The following HINT1 variants were observed in gnomAD, a reference collection of about 807,000 sequenced individuals.
HINT1 encodes the protein histidine triad nucleotide binding protein 1, also known as adenosine 5'-monophosphoramidase HINT1.
HINT1 carries 12 observed loss-of-function variants against 11.2 expected under a neutral mutation model. The ratio of observed to expected loss-of-function variants is 1.07; its 90% CI spans 0.69 to 1.74. The LOEUF is 1.74. Ranked by LOEUF, HINT1 falls within the 40% of genes most tolerant of loss-of-function variation. HINT1 has a pLI of 0.00. For missense variants in HINT1, 150 were observed against 161.8 expected (o/e 0.93, Z 0.40); for synonymous variants, 42 against 52.6 (o/e 0.80, Z 0.87).
intron 2 of HINT1, among the ~76,000 whole-genome samples, chr5:131,161,439 A>T (rs759276215): frequency 1.4e-4 from 21 of 152,030 alleles, no homozygotes; most frequent in African/African-American, 4.8e-4. Flanking sequence ...CCCCATCTCT[A>T]CTAAAAATAC....
chr5:131,159,498 G>A lies in HINT1; in HGVS notation c.330C>T (p.His110=), dbSNP rs139624223. The A allele has an allele frequency of 3.2e-4, 509 of 1,613,400 alleles. 2 individuals are homozygous for A. In the African/African-American group the frequency reaches 6.1e-3, roughly 19 times the overall value. The stretch of plus-strand genomic sequence containing the variant: ...GACCTCCAAGAACATGGAGATGAAC[G>A]TGATAGACAGACTGTCCACCATCTG... ...EGSDGGQSVY[H]VHLHVLGGRQ... Residue 110 remains histidine (H), a synonymous_variant, in exon 3 of 3, where the codon CAC becomes CAT. Transcript: ENST00000304043.
Position 131,159,241 on chromosome 5 carries a change from CAA to C in HINT1, c.*204_*205del. 1 of 457,612 alleles carries C rather than the reference CAA, an allele frequency of 2.2e-6. No homozygotes were observed. The highest frequency in any genetic ancestry group is 3.9e-6 in the Non-Finnish European group (1 of 257,952). The allele number at this position is 457,612 out of a possible 1,614,324, so 28.3% of individuals were successfully genotyped here. A position where few individuals can be genotyped will look rare whatever the true frequency, so the allele number is the denominator to read the frequency against. ...ATAAACCCACCTTCACATATTCCAA[CAA>C]ATATGTTTTTAAAATAACAAATCAA... On this transcript the variant is annotated 3_prime_UTR_variant, in exon 3 of 3. Coordinates refer to ENST00000304043, the MANE Select transcript of HINT1 (RefSeq NM_005340.7).
At chr5:131,160,094 T>C (rs943136565) in intron 2 of HINT1, among the ~76,000 whole-genome samples, 5 of 152,030 alleles carry the variant, frequency 3.3e-5, no homozygotes, top group African/African-American at 1.2e-4. Flanking sequence ...GCTTGGGCAA[T>C]CTGCCCACCT....
chr5:131,164,981 G>C, intron 1 of HINT1, 114 bp downstream of exon 1: 4 of 1,470,604 alleles, frequency 2.7e-6, no homozygotes, highest in Non-Finnish European at 2.8e-6. Context: ...GGGCAGCCAG[G>C]TCCCCTCCCG....
Position 131,162,660 on chromosome 5 carries a change from T to C in HINT1, c.128A>G (p.Asp43Gly), listed in dbSNP as rs776720598. Residue 43 changes from aspartate to glycine, a missense_variant, in exon 2 of 3, where the codon GAC becomes GGC. Asp to Gly is a moderately conservative substitution (Grantham distance 94). Coordinates refer to ENST00000304043, the MANE Select transcript of HINT1 (RefSeq NM_005340.7). ...ATGTGTTGGTGCTTGAGGGGAAATG[T>C]CATGGAAAGCAAGGCACTAGGGAAA... Reference protein sequence around the residue: ...FEDDRCLAFHDISPQAPTHFL... With the variant: ...FEDDRCLAFHGISPQAPTHFL... The C allele has an allele frequency of 2.5e-6, 4 of 1,609,426 alleles. No homozygotes were observed. In the Admixed American group the frequency reaches 6.7e-5, roughly 27 times the overall value.
rs1237850486 is a variant in HINT1 at position 131,164,935 on chromosome 5, CGGGCCCTGTCCGCTGGCTGG to C, written c.111+140_111+159del. On this transcript the variant is annotated intron_variant, in intron 1 of 2. Transcript: ENST00000304043. Reference sequence around the variant, plus strand: ...CGCCGGCAGGCCGCCTCGGAGTGCCCGGGCCCTGTCCGCTGGCTGGGGGCCCGCTGGACCAGGGCAGCCAG... The same window carrying C: ...CGCCGGCAGGCCGCCTCGGAGTGCCCGGGCCCGCTGGACCAGGGCAGCCAG... The C allele has an allele frequency of 5.5e-5, 58 of 1,055,126 alleles. No individual in the cohort carries two copies. In the Middle Eastern group the frequency reaches 3.1e-3, roughly 57 times the overall value. 65.4% of individuals were successfully genotyped at this position (1,055,126 alleles called of 1,614,324 possible). A position where few individuals can be genotyped will look rare whatever the true frequency, so the allele number is the denominator to read the frequency against.
At chr5:131,160,822 T>C in intron 2 of HINT1, 3 of 469,602 alleles carry the variant, frequency 6.4e-6, no homozygotes, top group Non-Finnish European at 1.3e-5. Context: ...AGTAAAATAC[T>C]CTTACATGAG....
rs1358410590 is a variant in HINT1, at chr5:131,162,569, T to TA, written c.216+2dup. 6.2e-7 allele frequency: 1 copy of TA among 1,607,138 alleles called. No homozygotes were observed. The highest frequency in any genetic ancestry group is 1.7e-5 in the Admixed American group (1 of 60,010). On this transcript the variant is annotated splice_region_variant and intron_variant, in intron 2 of 2. Transcript: ENST00000304043. ...AAATAAATCATGTTAGAAATGTACTTACACTTTCATCATCATCTTCTGCCA... is the reference window on the plus strand; with the variant it reads ...AAATAAATCATGTTAGAAATGTACTTAACACTTTCATCATCATCTTCTGCCA...
chr5:131,164,954 G>C (rs1363243997), intron 1 of HINT1, 141 bp downstream of exon 1: 12 of 1,244,630 alleles, frequency 9.6e-6, no homozygotes, highest in African/African-American at 6.1e-5. Flanking sequence ...TCCGCTGGCT[G>C]GGGGCCCGCT....
intron 2 of HINT1, among the ~76,000 whole-genome samples, chr5:131,160,484 T>A (rs760448194): frequency 3.9e-5 from 6 of 152,230 alleles, no homozygotes; most frequent in Non-Finnish European, 8.8e-5. Flanking sequence ...TCACTGCTTA[T>A]GCTTTCCCAT....
At chr5:131,163,257 A>C (rs1755303412) in intron 1 of HINT1, among the ~76,000 whole-genome samples, 1 of 152,248 alleles carries the variant, frequency 6.6e-6, no homozygotes, top group African/African-American at 2.4e-5. Context: ...TAAGTGTTTA[A>C]GAACAACTCT....
At chr5:131,162,813 C>A in intron 1 of HINT1, 137 bp from the exon 2 acceptor site, 1 of 605,736 alleles carries the variant, frequency 1.7e-6, no homozygotes, top group Non-Finnish European at 2.9e-6. Context: ...GTACACATTA[C>A]GAATGGTGCC....
chr5:131,160,706 G>C (rs1029439319), intron 2 of HINT1: 9 of 1,233,334 alleles, frequency 7.3e-6, no homozygotes, highest in Non-Finnish European at 9.5e-6. Flanking sequence ...GACAAAAATT[G>C]TAAGTTGGGG....
chr5:131,162,412 T>C lies in HINT1; in HGVS notation c.216+160A>G, dbSNP rs1401107029. ...GCTGGTGGGATACAAAATGATGCAG[T>C]AACTTTGGAAAACAGCTGGGCAGTT... is the stretch of plus-strand genomic sequence containing the variant. On this transcript the variant is annotated intron_variant, in intron 2 of 2. Coordinates refer to ENST00000304043, the MANE Select transcript of HINT1 (RefSeq NM_005340.7). 8 of 1,464,988 alleles carry C rather than the reference T, an allele frequency of 5.5e-6. No homozygotes were observed. The Admixed American group carries it at 1.6e-4, about 29-fold the overall frequency. The allele number at this position is 1,464,988 out of a possible 1,614,324, so 90.7% of individuals were successfully genotyped here.
In HINT1 at chr5:131,165,223, G is replaced by T; in HGVS notation, c.-18C>A. On this transcript the variant is annotated 5_prime_UTR_variant, in exon 1 of 3. Coordinates refer to ENST00000304043, the MANE Select transcript of HINT1 (RefSeq NM_005340.7). Reference sequence around the variant, plus strand: ...TCTGCCATCTCGGCCTCTCTCCCGCGCGGCGGCCAGAGGAGAGGCTCGGAA... The same window carrying T: ...TCTGCCATCTCGGCCTCTCTCCCGCTCGGCGGCCAGAGGAGAGGCTCGGAA... 6.2e-7 allele frequency: 1 copy of T among 1,601,554 alleles called. No individual in the cohort carries two copies.
intron 1 of HINT1, among the ~76,000 whole-genome samples, chr5:131,164,371 G>T (rs6897024): frequency 6.6e-6 from 1 of 152,202 alleles, no homozygotes; most frequent in Non-Finnish European, 1.5e-5. Flanking sequence ...AATACAAAAA[G>T]AATCATTCAG....
intron 2 of HINT1, 90 bp downstream of exon 2, chr5:131,162,482 G>A (rs1487964955): frequency 6.3e-7 from 1 of 1,578,218 alleles, no homozygotes; most frequent in Admixed American, 1.8e-5. Context: ...AATGACCTTA[G>A]GAAGATGAAA....
intron 1 of HINT1, 41 bp downstream of exon 1, chr5:131,165,054 A>G: frequency 6.2e-7 from 1 of 1,612,294 alleles, no homozygotes; most frequent in East Asian, 2.2e-5. Flanking sequence ...CGCGGACGAT[A>G]CCCACCTCAG....
intron 2 of HINT1, chr5:131,162,340 T>C (rs1397787428): frequency 4.0e-6 from 3 of 741,790 alleles, no homozygotes; most frequent in Non-Finnish European, 6.7e-6. Flanking sequence ...AAAAAGGTAA[T>C]AGCAAGTGTT....
Sources: allele counts gnomAD v4.1 joint callset (sites outside exome capture counted in the v4.1 genomes callset), GRCh38; gene constraint gnomAD v4.1.1; transcripts MANE v1.5; gene names NCBI Gene and HGNC (gene_info 2026-07-23, HGNC 2026-07-21).